Variants in ZSCAN5B observed in about 807,000 individuals in gnomAD.
The protein encoded by ZSCAN5B is zinc finger and SCAN domain containing 5B.
In ZSCAN5B, 26 loss-of-function variants were observed where a neutral mutation model predicts 25.2. That is an observed-to-expected ratio of 1.03 (90% CI 0.76 to 1.43). ZSCAN5B has a LOEUF of 1.43. Among genes scored for constraint, ZSCAN5B ranks in the 40% most tolerant of loss-of-function variants. ZSCAN5B has a pLI of 0.00. For missense variants in ZSCAN5B, 745 were observed against 622.1 expected, an observed-to-expected ratio of 1.20 and a Z score of -2.10; for synonymous variants, 244 against 240.9, an observed-to-expected ratio of 1.01 and a Z score of -0.12.
intron 2 of ZSCAN5B, among the ~76,000 whole-genome samples, chr19:56,192,401 C>T (rs2032749073): frequency 6.6e-6 from 1 of 152,206 alleles, no homozygotes; most frequent in Non-Finnish European, 1.5e-5. Context: ...ATACCAACCA[C>T]TTTCCCTGCC....
At chr19:56,195,473 C>T (rs1332310899) in intron 1 of ZSCAN5B, among the ~76,000 whole-genome samples, 3 of 151,700 alleles carry the variant, frequency 2.0e-5, no homozygotes, top group African/African-American at 7.3e-5. Flanking sequence ...CCCAAAAAGA[C>T]ACATGGAACG....
intron 1 of ZSCAN5B, among the ~76,000 whole-genome samples, chr19:56,194,721 G>A (rs971594772): frequency 1.3e-4 from 20 of 152,046 alleles, no homozygotes; most frequent in Middle Eastern, 3.4e-3. Flanking sequence ...AGGTTCATAT[G>A]GCTCTCCTTC....
chr19:56,197,116 A>C (rs1256715546), intron 1 of ZSCAN5B, among the ~76,000 whole-genome samples: 2 of 152,198 alleles, frequency 1.3e-5, no homozygotes, highest in Non-Finnish European at 2.9e-5. Context: ...GTCTCTGAAA[A>C]ATAAAATGAA....
rs544465468 is a variant in ZSCAN5B at position 56,194,488 on chromosome 19, G to A, written c.-127-1309C>T. ...AGGTTATTTTTGTAATAGAGATGGG[G>A]TTTCGCCATGTTGCCCAGGCTGGTC... On this transcript the variant is annotated intron_variant, in intron 1 of 4. Coordinates refer to ENST00000586855, the Ensembl canonical transcript of ZSCAN5B. Among the ~76,000 whole-genome samples the A allele has an allele frequency of 1.3e-4, 20 of 152,270 alleles. No homozygotes were observed. The South Asian group carries it at 3.7e-3, about 28-fold the overall frequency.
chr19:56,189,816 T>C, exon 5 of ZSCAN5B: 7 of 1,598,420 alleles, frequency 4.4e-6, no homozygotes, highest in Non-Finnish European at 6.0e-6. Context: ...GATGTGGACC[T>C]GACTCTGGAA....
intron 1 of ZSCAN5B, among the ~76,000 whole-genome samples, chr19:56,195,679 G>A (rs4801298): frequency 0.69 from 105,058 of 151,400 alleles, 36,545 homozygotes; most frequent in Middle Eastern, 0.81. Flanking sequence ...AAACAGTGAA[G>A]CTCTGAAGTG....
intron 2 of ZSCAN5B, 104 bp from the exon 3 acceptor site, chr19:56,192,157 C>T: frequency 9.2e-7 from 1 of 1,091,858 alleles, no homozygotes; most frequent in Non-Finnish European, 1.3e-6. Flanking sequence ...AATTAATGTT[C>T]AAATCTACCT....
chr19:56,193,032 G>C (rs1277880287), exon 2 of ZSCAN5B: 6 of 1,572,960 alleles, frequency 3.8e-6, no homozygotes, highest in Admixed American at 3.7e-5. Flanking sequence ...GACCCCATGA[G>C]AGTGTCCAAT....
chr19:56,190,353 C>G (rs2032712675), exon 5 of ZSCAN5B: 1 of 1,614,170 alleles, frequency 6.2e-7, no homozygotes, highest in Admixed American at 1.7e-5. Flanking sequence ...TGGGGATTCT[C>G]TGTTGCCCAC....
intron 3 of ZSCAN5B, 142 bp from the exon 4 acceptor site, chr19:56,191,129 G>A: frequency 8.7e-7 from 1 of 1,155,818 alleles, no homozygotes; most frequent in Non-Finnish European, 1.2e-6. Flanking sequence ...CCTCATTTCT[G>A]CGTCTGTCCC....
At chr19:56,197,622 TCA>T in intron 1 of ZSCAN5B, 110 bp downstream of exon 1, 1 of 546,906 alleles carries the variant, frequency 1.8e-6, no homozygotes, top group Non-Finnish European at 2.3e-6. Flanking sequence ...CCCGCTGCCT[TCA>T]CAAAGTCTCC....
chr19:56,190,695 C>G, intron 4 of ZSCAN5B, 120 bp from the exon 5 acceptor site: 9 of 1,544,936 alleles, frequency 5.8e-6, no homozygotes, highest in Non-Finnish European at 7.0e-6. Context: ...AAGCCTAAGA[C>G]ATTGGACTGT....
exon 5 of ZSCAN5B, chr19:56,190,025 C>T: frequency 6.2e-7 from 1 of 1,613,656 alleles, no homozygotes; most frequent in Non-Finnish European, 8.5e-7. Flanking sequence ...TGTGGATCCT[C>T]TTGTGGCCCT....
chr19:56,197,717 C>G lies in ZSCAN5B; in HGVS notation c.-128+17G>C, dbSNP rs537578540. 1.0e-6 allele frequency: 1 copy of G among 984,860 alleles called. No homozygotes were observed. The highest frequency in any genetic ancestry group is 1.7e-5 in the African/African-American group (1 of 57,182). The allele number at this position is 984,860 out of a possible 1,614,324, so 61.0% of individuals were successfully genotyped here. ...GCCAGCTCCGAAACCCCACAGCCAT[C>G]GCCGCTGGACACTCACCTCCTTCCC... On this transcript the variant is annotated intron_variant, in intron 1 of 4. Transcript: ENST00000586855.
At chr19:56,192,945 G>C (rs200257976) in exon 2 of ZSCAN5B, 3 of 1,603,626 alleles carry the variant, frequency 1.9e-6, no homozygotes, top group Non-Finnish European at 8.5e-7. Context: ...GGTTCCTGTC[G>C]TGATTTCCAA....
intron 1 of ZSCAN5B, among the ~76,000 whole-genome samples, chr19:56,194,574 C>A (rs1010737114): frequency 1.3e-5 from 2 of 152,020 alleles, no homozygotes; most frequent in African/African-American, 4.8e-5. Context: ...GGATTACAGG[C>A]GTGATTGCAT....
chr19:56,192,634 C>T, intron 2 of ZSCAN5B, 35 bp downstream of exon 2: 2 of 1,564,500 alleles, frequency 1.3e-6, no homozygotes, highest in Non-Finnish European at 1.7e-6. Flanking sequence ...ATCCCAGCTC[C>T]CCTTCCCTGC....
intron 1 of ZSCAN5B, 127 bp from the exon 2 acceptor site, chr19:56,193,306 G>A: frequency 2.2e-6 from 1 of 447,236 alleles, no homozygotes; most frequent in South Asian, 4.4e-5. Context: ...CTGTGGAAAT[G>A]AATCCACTCT....
intron 1 of ZSCAN5B, among the ~76,000 whole-genome samples, chr19:56,193,756 A>G (rs1245278017): frequency 6.6e-6 from 1 of 152,030 alleles, no homozygotes; most frequent in African/African-American, 2.4e-5. Flanking sequence ...AGGTCAGGAG[A>G]TCGAGACCAT....
Sources: allele counts gnomAD v4.1 joint callset (sites outside exome capture counted in the v4.1 genomes callset), GRCh38; gene constraint gnomAD v4.1.1; transcripts MANE v1.5; gene names NCBI Gene and HGNC (gene_info 2026-07-23, HGNC 2026-07-21).